Variants in HTRA2 observed in about 807,000 individuals in gnomAD.
The protein encoded by HTRA2 is serine protease HTRA2, mitochondrial.
HTRA2 carries 24 observed loss-of-function variants against 42.2 expected under a neutral mutation model. The ratio of observed to expected loss-of-function variants is 0.57; its 90% CI spans 0.41 to 0.80. The LOEUF is 0.80. HTRA2 is among the 30% of genes least tolerant of loss of function. HTRA2 has a pLI of 0.00. For synonymous variants in HTRA2, 245 were observed against 255.8 expected, an observed-to-expected ratio of 0.96 and a Z score of 0.40; for missense variants, 466 against 613.5, an observed-to-expected ratio of 0.76 and a Z score of 2.54.
At chr2:74,531,470 C>G in intron 4 of HTRA2, 99 bp downstream of exon 4, 7 of 1,605,532 alleles carry the variant, frequency 4.4e-6, no homozygotes, top group Non-Finnish European at 6.0e-6. Flanking sequence ...AGTTTCTGAG[C>G]AGTTCTTTGT....
chr2:74,529,920 C>G (rs1381070695), upstream of HTRA2: 1 of 1,475,140 alleles, frequency 6.8e-7, no homozygotes, highest in Non-Finnish European at 9.0e-7. Flanking sequence ...CAGGTACCGG[C>G]GTGCCCCGCG....
chr2:74,529,777 C>T, upstream of HTRA2: 3 of 1,457,132 alleles, frequency 2.1e-6, no homozygotes, highest in Non-Finnish European at 2.7e-6. Flanking sequence ...GCTAGCGGTC[C>T]CAGCATACCC....
chr2:74,530,565 C>A lies in HTRA2; in HGVS notation c.507-52C>A. 1.9e-6 allele frequency: 3 copies of A among 1,613,416 alleles called. No individual in the cohort carries two copies. The highest frequency in any genetic ancestry group is 2.5e-6 in the Non-Finnish European group (3 of 1,179,848). On this transcript the variant is annotated intron_variant, in intron 1 of 7. Coordinates refer to ENST00000258080, the MANE Select transcript of HTRA2 (RefSeq NM_013247.5). This position sits in a 1 kb window ranked among gnomAD's most constrained non-coding sequence, Gnocchi z 7.4. ...CTGAAGCCACAGGCTGGAGGGCGGG[C>A]GGGTAGGAGGGGTCAGAGCCTCCTC...
In HTRA2 at chr2:74,530,224, C is replaced by T; in HGVS notation, c.218C>T (p.Thr73Met). 1.2e-6 allele frequency: 2 copies of T among 1,610,276 alleles called. No homozygotes were observed. Among genetic ancestry groups the T allele is most frequent in the Non-Finnish European group, 1.7e-6 (2 of 1,178,520 alleles). ...GTCACTGAACCCCGAGCATGCCTGA[C>T]GTCTGGGACCCCGGGTCCCCGGGCA... is the stretch of plus-strand genomic sequence containing the variant. Reference protein sequence around the residue: ...VGVTEPRACLTSGTPGPRAQL... With the variant: ...VGVTEPRACLMSGTPGPRAQL... The change falls in exon 1 of 8, where the codon ACG (threonine) becomes ATG (methionine). Residue 73 changes from threonine (T) to methionine (M), a missense_variant. By Grantham distance (81) the Thr-to-Met change is moderately conservative. Transcript: ENST00000258080. The surrounding 1 kb of genome is among the most constrained non-coding windows in gnomAD (Gnocchi z 7.4).
chr2:74,531,739 G>A (rs745386055), intron 5 of HTRA2, 37 bp downstream of exon 5: 5 of 1,612,998 alleles, frequency 3.1e-6, no homozygotes. Flanking sequence ...TTCCTTTAAT[G>A]TGGTGGAAAT....
rs387906942 is a variant in HTRA2, at chr2:74,530,433, C to G, written c.427C>G (p.Pro143Ala). Residue 143 changes from proline to alanine, a missense_variant, in exon 1 of 8, where the codon CCC (proline) becomes GCC (alanine). Physicochemically the swap from Pro to Ala is conservative, Grantham distance 27. This residue lies in a region of HTRA2 where 222 missense variants were observed against 205.1 expected (regional missense o/e 1.08). Coordinates refer to ENST00000258080, the MANE Select transcript of HTRA2 (RefSeq NM_013247.5). The surrounding 1 kb of genome is among the most constrained non-coding windows in gnomAD (Gnocchi z 7.4). ...AAVPSPPPAS[P>A]RSQYNFIADV... ...CGTCCCTAGCCCGCCGCCCGCTTCTCCCCGGAGTCAGTACAACTTCATCGC... is the reference window on the plus strand; with the variant it reads ...CGTCCCTAGCCCGCCGCCCGCTTCTGCCCGGAGTCAGTACAACTTCATCGC... 6 of 1,604,702 alleles carry G rather than the reference C, an allele frequency of 3.7e-6. No individual in the cohort carries two copies. In the East Asian group the frequency reaches 8.9e-5, roughly 24 times the overall value.
In HTRA2 at chr2:74,530,711, G is replaced by C. The variant is rs1675531374; in HGVS notation, c.601G>C (p.Ala201Pro). The C allele has an allele frequency of 1.2e-6, 2 of 1,614,086 alleles. No individual in the cohort carries two copies. The highest frequency in any genetic ancestry group is 1.7e-6 in the Non-Finnish European group (2 of 1,180,034). Residue 201 changes from alanine (A) to proline (P), a missense_variant, in exon 2 of 8, where the codon GCT becomes CCT. Around this residue, in one of 3 missense-constraint regions of HTRA2, gnomAD observed 115 missense variants for 245.4 expected, o/e 0.47. Transcript: ENST00000258080. This position sits in a 1 kb window ranked among gnomAD's most constrained non-coding sequence, Gnocchi z 7.4. ...GLIVTNAHVV[A>P]DRRRVRVRLL... ...CATTGTCACCAACGCCCATGTGGTG[G>C]CTGATCGGCGCAGAGTCCGTGTGAG...
rs763860301 is a variant in HTRA2, at chr2:74,530,252, A to G, written c.246A>G (p.Gln82=). 6.8e-6 allele frequency: 11 copies of G among 1,609,384 alleles called. No homozygotes were observed. Among genetic ancestry groups the G allele is most frequent in the East Asian group, 6.7e-5 (3 of 44,580 alleles). The part of the protein sequence containing the change: ...LTSGTPGPRA[Q]LTAVTPDTRT... ...CTGGGACCCCGGGTCCCCGGGCACA[A>G]CTGACTGCGGTGACCCCAGATACCA... is the stretch of plus-strand genomic sequence containing the variant. Residue 82 remains glutamine (Q), a synonymous_variant, in exon 1 of 8, where the codon CAA becomes CAG. Transcript: ENST00000258080. The surrounding 1 kb of genome is among the most constrained non-coding windows in gnomAD (Gnocchi z 7.4).
At chr2:74,531,418 G>A (rs1675589812) in intron 4 of HTRA2, 47 bp downstream of exon 4, 3 of 1,610,172 alleles carry the variant, frequency 1.9e-6, no homozygotes, top group Non-Finnish European at 2.5e-6. Context: ...CCAGGTCAGT[G>A]TGGGAAGGGT....
At chr2:74,532,557 G>T in intron 6 of HTRA2, 62 bp from the exon 7 acceptor site, 1 of 1,298,508 alleles carries the variant, frequency 7.7e-7, no homozygotes. Context: ...GAGACTTGAG[G>T]TGGAACTCAG....
chr2:74,529,979 G>A lies in HTRA2; in HGVS notation c.-28G>A. On this transcript the variant is annotated 5_prime_UTR_variant, in exon 1 of 8. Transcript: ENST00000258080. ...CCTGGGTGCCGCCTCTGAGTAGGGC[G>A]GGCGAGGAGGCAGCCAAGGCGGAGC... 2 of 1,512,564 alleles carry A rather than the reference G, an allele frequency of 1.3e-6. No homozygotes were observed. The highest frequency in any genetic ancestry group is 2.2e-5 in the Admixed American group (1 of 46,062). 93.7% of individuals were successfully genotyped at this position (1,512,564 alleles called of 1,614,324 possible).
upstream of HTRA2, chr2:74,529,671 A>G: frequency 6.5e-7 from 1 of 1,543,462 alleles, no homozygotes; most frequent in Non-Finnish European, 8.7e-7. Flanking sequence ...CGCCGCCGCC[A>G]TTTTCGCGCC....
chr2:74,530,106 G>A lies in HTRA2; in HGVS notation c.100G>A (p.Asp34Asn). The change falls in exon 1 of 8, where the codon GAC becomes AAC. Residue 34 changes from aspartate (D) to asparagine (N), a missense_variant. Transcript: ENST00000258080. This position sits in a 1 kb window ranked among gnomAD's most constrained non-coding sequence, Gnocchi z 7.4. ...GGGGAGGAGACCCCGTTTGACCCCT[G>A]ACCTCCGGGCCCTGCTGACGTCAGG... is the stretch of plus-strand genomic sequence containing the variant. ...RWGRRPRLTPDLRALLTSGTS... is the reference protein window; with the variant it reads ...RWGRRPRLTPNLRALLTSGTS... 6.2e-7 allele frequency: 1 copy of A among 1,607,042 alleles called. No homozygotes were observed.
upstream of HTRA2, chr2:74,529,453 G>C: frequency 6.4e-7 from 1 of 1,566,508 alleles, no homozygotes; most frequent in Non-Finnish European, 8.7e-7. Flanking sequence ...AACCCGACTG[G>C]CGCGTAGAGC....
At position 74,530,604 on chromosome 2, in the gene HTRA2, C is replaced by G. The variant is rs951170334; in HGVS notation, c.507-13C>G. 6.2e-7 allele frequency: 1 copy of G among 1,613,890 alleles called. No individual in the cohort carries two copies. Among genetic ancestry groups the G allele is most frequent in the African/African-American group, 1.3e-5 (1 of 74,926 alleles). On this transcript the variant is annotated splice_polypyrimidine_tract_variant and intron_variant, in intron 1 of 7. Transcript: ENST00000258080. This position sits in a 1 kb window ranked among gnomAD's most constrained non-coding sequence, Gnocchi z 7.4. ...CAGAGCCTCCTCTTATCTGTGCTTT[C>G]CCTCCATTTCAGGCACCCTTTCTTG... is the stretch of plus-strand genomic sequence containing the variant.
downstream of HTRA2, chr2:74,533,477 C>T (rs976406145): frequency 1.1e-5 from 8 of 751,676 alleles, no homozygotes; most frequent in African/African-American, 1.2e-4. Flanking sequence ...CTTGACAGTT[C>T]CACATCCATA....
At position 74,530,340 on chromosome 2, in the gene HTRA2, G is replaced by T. The variant is rs1675495756; in HGVS notation, c.334G>T (p.Gly112Cys). 6.3e-7 allele frequency: 1 copy of T among 1,591,898 alleles called. No homozygotes were observed. The highest frequency in any genetic ancestry group is 1.7e-5 in the Admixed American group (1 of 57,812). ...GCGCGCGTGGCTGGCGGTGGCGCTG[G>T]GCGCTGGGGGGGCAGTGCTGTTGTT... ...RSRAWLAVAL[G>C]AGGAVLLLLW... Residue 112 changes from glycine to cysteine, a missense_variant, in exon 1 of 8, where the codon GGC becomes TGC. By Grantham distance (159) the Gly-to-Cys change is radical. Coordinates refer to ENST00000258080, the MANE Select transcript of HTRA2 (RefSeq NM_013247.5). This position sits in a 1 kb window ranked among gnomAD's most constrained non-coding sequence, Gnocchi z 7.4.
intron 7 of HTRA2, 24 bp from the exon 8 acceptor site, chr2:74,532,794 TTC>T (rs1249758810): frequency 6.2e-7 from 1 of 1,614,110 alleles, no homozygotes; most frequent in Non-Finnish European, 8.5e-7. Flanking sequence ...ACTCCTTCCT[TTC>T]TCTCTGTCCA....
rs1285284650 is a variant in HTRA2 at position 74,530,239 on chromosome 2, G to C, written c.233G>C (p.Gly78Ala). The C allele has an allele frequency of 6.2e-7, 1 of 1,609,834 alleles. No homozygotes were observed. Among genetic ancestry groups the C allele is most frequent in the East Asian group, 2.2e-5 (1 of 44,614 alleles). The change falls in exon 1 of 8, where the codon GGT becomes GCT. Residue 78 changes from glycine (G) to alanine (A), a missense_variant. This residue lies in a region of HTRA2 where 222 missense variants were observed against 205.1 expected (regional missense o/e 1.08). Coordinates refer to ENST00000258080, the MANE Select transcript of HTRA2 (RefSeq NM_013247.5). This position sits in a 1 kb window ranked among gnomAD's most constrained non-coding sequence, Gnocchi z 7.4. ...GCATGCCTGACGTCTGGGACCCCGG[G>C]TCCCCGGGCACAACTGACTGCGGTG... The part of the protein sequence containing the change: ...PRACLTSGTP[G>A]PRAQLTAVTP...
Sources: gnomAD v4.1 joint callset for allele counts on GRCh38, gnomAD v4.1.1 for gene constraint, gnomAD v4.1.1 regional missense constraint, Gnocchi (gnomAD v3.1) non-coding constraint, MANE v1.5 for transcripts, NCBI Gene and HGNC (gene_info 2026-07-23, HGNC 2026-07-21) for gene names.